The following MASTL variants were observed in gnomAD, a reference collection of about 807,000 sequenced individuals.
The protein encoded by MASTL is microtubule associated serine/threonine kinase like, also known as serine/threonine-protein kinase greatwall.
MASTL carries 54 observed loss-of-function variants against 82.5 expected under a neutral mutation model. That is an observed-to-expected ratio of 0.65 (90% confidence interval 0.53 to 0.82). The LOEUF is 0.82. MASTL is among the 40% of genes least tolerant of loss of function. MASTL has a pLI of 0.00. For synonymous variants in MASTL, 323 were observed against 368.9 expected (o/e 0.88, Z 1.43); for missense variants, 950 against 1,047.8 (o/e 0.91, Z 1.29).
intron 1 of MASTL, among the ~76,000 whole-genome samples, chr10:27,156,232 G>T (rs2057372782): frequency 6.6e-6 from 1 of 151,982 alleles, no homozygotes; most frequent in African/African-American, 2.4e-5. Context: ...CACCGTGTTA[G>T]CCAGGATGGT....
In MASTL at chr10:27,159,440, A is replaced by G. The variant is rs2057498340; in HGVS notation, c.325-179A>G. 6.6e-6 allele frequency among the ~76,000 whole-genome samples: 1 copy of G among 152,184 alleles called. No homozygotes were observed. The highest frequency in any genetic ancestry group is 2.1e-4 in the South Asian group (1 of 4,830). ...GCCCAGCCTAAACAGTTTAATTTTT[A>G]ATTAAAAACTGTTATGGCAACATGA... is the stretch of plus-strand genomic sequence containing the variant. On this transcript the variant is annotated intron_variant, in intron 2 of 11. Transcript: ENST00000375940. The surrounding 1 kb of genome is among the most constrained non-coding windows in gnomAD (Gnocchi z 4.0).
At position 27,170,529 on chromosome 10, in the gene MASTL, C is replaced by A. The variant is rs1322849977; in HGVS notation, c.1570C>A (p.Pro524Thr). ...TDKQQTPEKLPIPMIAKNLMC... is the reference protein window; with the variant it reads ...TDKQQTPEKLTIPMIAKNLMC... The stretch of plus-strand genomic sequence containing the variant: ...TAAACAACAAACACCAGAAAAATTA[C>A]CTATACCAATGATAGCAAAAAACCT... Residue 524 changes from proline to threonine, a missense_variant, in exon 8 of 12, where the codon CCT becomes ACT. Coordinates refer to ENST00000375940, the MANE Select transcript of MASTL (RefSeq NM_001172303.3). 3 of 1,613,890 alleles carry A rather than the reference C, an allele frequency of 1.9e-6. No homozygotes were observed. Among genetic ancestry groups the A allele is most frequent in the East Asian group, 4.5e-5 (2 of 44,848 alleles).
intron 9 of MASTL, among the ~76,000 whole-genome samples, chr10:27,175,270 T>C (rs1281460310): frequency 6.6e-6 from 1 of 151,982 alleles, no homozygotes. Flanking sequence ...GCAACCTCCG[T>C]CTCCCGGGTT....
At chr10:27,178,813 T>A (rs942696081) in intron 9 of MASTL, among the ~76,000 whole-genome samples, 1 of 152,092 alleles carries the variant, frequency 6.6e-6, no homozygotes. Flanking sequence ...TCTAATCCAT[T>A]GGGATAATTC....
Position 27,180,672 on chromosome 10 carries a change from A to T in MASTL, c.2267-281A>T, listed in dbSNP as rs1453336224. On this transcript the variant is annotated intron_variant, in intron 9 of 11. Transcript: ENST00000375940. The stretch of plus-strand genomic sequence containing the variant: ...CACCCAAAGTGCCAGGATTACAGGC[A>T]TAAGCCACCGCGCCCAGCTCTACCT... 3.9e-5 allele frequency among the ~76,000 whole-genome samples: 6 copies of T among 152,092 alleles called. No individual in the cohort carries two copies. In the East Asian group the frequency reaches 1.2e-3, roughly 29 times the overall value.
At chr10:27,156,334 C>T (rs1281280418) in intron 1 of MASTL, among the ~76,000 whole-genome samples, 2 of 151,432 alleles carry the variant, frequency 1.3e-5, no homozygotes, top group Admixed American at 6.6e-5. Flanking sequence ...AGTTAGGTTT[C>T]TAAATCCAAA....
Position 27,186,795 on chromosome 10 carries a change from A to G in MASTL, c.*259A>G. ...ATTTTGTTTATTGCACTTTATGAAA[A>G]CTGAAGCATCAATAAAATTAGAGGA... On this transcript the variant is annotated 3_prime_UTR_variant, in exon 12 of 12. Coordinates refer to ENST00000375940, the MANE Select transcript of MASTL (RefSeq NM_001172303.3). 2.2e-6 allele frequency: 1 copy of G among 453,956 alleles called. No individual in the cohort carries two copies. The highest frequency in any genetic ancestry group is 4.0e-6 in the Non-Finnish European group (1 of 248,986). The allele number at this position is 453,956 out of a possible 1,614,324, so 28.1% of individuals were successfully genotyped here.
intron 8 of MASTL, among the ~76,000 whole-genome samples, chr10:27,172,708 T>C (rs948726980): frequency 2.0e-5 from 3 of 152,180 alleles, no homozygotes; most frequent in Admixed American, 1.3e-4. Flanking sequence ...TTTTAAATGC[T>C]ATTTAGTACA....
At chr10:27,171,956 G>T (rs2057961093) in intron 8 of MASTL, among the ~76,000 whole-genome samples, 3 of 149,238 alleles carry the variant, frequency 2.0e-5, no homozygotes, top group African/African-American at 7.5e-5. Flanking sequence ...AGCCTCCTGA[G>T]TAGCTAGGAC....
At chr10:27,163,787 C>T (rs1269528402) in intron 4 of MASTL, among the ~76,000 whole-genome samples, 2 of 151,988 alleles carry the variant, frequency 1.3e-5, no homozygotes, top group Non-Finnish European at 2.9e-5. Flanking sequence ...CCCACCACCA[C>T]GCCCGGCTAA....
At position 27,186,656 on chromosome 10, in the gene MASTL, C is replaced by T; in HGVS notation, c.*120C>T. 1.1e-6 allele frequency: 1 copy of T among 938,682 alleles called. No individual in the cohort carries two copies. Among genetic ancestry groups the T allele is most frequent in the Non-Finnish European group, 1.7e-6 (1 of 576,374 alleles). The allele number at this position is 938,682 out of a possible 1,614,324, so 58.1% of individuals were successfully genotyped here. On this transcript the variant is annotated 3_prime_UTR_variant, in exon 12 of 12. Transcript: ENST00000375940. ...TCATTATTTAACCTAGTTCAATGTGCTTTTAATGTACGTTACAGCTTTCAC... is the reference window on the plus strand; with the variant it reads ...TCATTATTTAACCTAGTTCAATGTGTTTTTAATGTACGTTACAGCTTTCAC...
At chr10:27,160,768 G>GAAAA (rs1165713191) in intron 3 of MASTL, among the ~76,000 whole-genome samples, 39 of 102,134 alleles carry the variant, frequency 3.8e-4, no homozygotes, top group South Asian at 1.1e-3. Context: ...AAAAAGAAAA[G>GAAAA]AAAAAAAAGA....
chr10:27,181,505 A>G lies in MASTL; in HGVS notation c.2406A>G (p.Glu802=). Residue 802 remains glutamate (E), a synonymous_variant, in exon 11 of 12, where the codon GAA becomes GAG. Transcript: ENST00000375940. ...KRDIPWPEGE[E]KLSDNAQSAV... is the part of the protein sequence containing the mutation. ...ATATCCCTTGGCCAGAAGGTGAAGAAAAGTTATCTGATAATGCTCAAAGTG... is the reference window on the plus strand; with the variant it reads ...ATATCCCTTGGCCAGAAGGTGAAGAGAAGTTATCTGATAATGCTCAAAGTG... 1.2e-6 allele frequency: 2 copies of G among 1,612,710 alleles called. No individual in the cohort carries two copies. Among genetic ancestry groups the G allele is most frequent in the Non-Finnish European group, 1.7e-6 (2 of 1,178,868 alleles).
At chr10:27,180,312 C>T (rs2058230801) in intron 9 of MASTL, among the ~76,000 whole-genome samples, 1 of 152,274 alleles carries the variant, frequency 6.6e-6, no homozygotes, top group African/African-American at 2.4e-5. Flanking sequence ...CAGGGCGGTG[C>T]TTGTCCCGGA....
In MASTL at chr10:27,158,741, A is replaced by G. The variant is rs2057473499; in HGVS notation, c.324+55A>G. On this transcript the variant is annotated intron_variant, in intron 2 of 11. Coordinates refer to ENST00000375940, the MANE Select transcript of MASTL (RefSeq NM_001172303.3). ...TATCCATTAAGCAGTCATTGAACCT[A>G]GTGATTTAAGAGAACCATGTTTTGG... is the stretch of plus-strand genomic sequence containing the variant. The G allele has an allele frequency of 1.9e-6, 3 of 1,585,486 alleles. No individual in the cohort carries two copies. In the South Asian group the frequency reaches 3.3e-5, roughly 18 times the overall value.
intron 1 of MASTL, among the ~76,000 whole-genome samples, chr10:27,156,853 TAG>T (rs765747962): frequency 9.5e-6 from 1 of 105,056 alleles, no homozygotes; most frequent in Non-Finnish European, 1.8e-5. Context: ...TTTTTTGAGA[TAG>T]AGTTTCACAG....
Position 27,171,914 on chromosome 10 carries a change from C to T in MASTL, c.2124+831C>T, listed in dbSNP as rs184639253. Among the ~76,000 whole-genome samples, 250 of 142,022 alleles carry T rather than the reference C, an allele frequency of 1.8e-3. 1 individual carries two copies. Among genetic ancestry groups the T allele is most frequent in the African/African-American group, 6.2e-3 (236 of 38,238 alleles). The allele number at this position is 142,022 out of a possible 152,430, so 93.2% of individuals were successfully genotyped here. ...CGCGATCTTGGCTCACTGCAACCTC[C>T]GCCTCCCGGGTTCAAGCGATTCTCC... On this transcript the variant is annotated intron_variant, in intron 8 of 11. Transcript: ENST00000375940.
chr10:27,173,335 T>C (rs1377474540), intron 9 of MASTL, 76 bp downstream of exon 9: 4 of 1,551,114 alleles, frequency 2.6e-6, no homozygotes, highest in Non-Finnish European at 3.6e-6. Context: ...TTTTAAAAAA[T>C]TTCTTCAGTA....
In MASTL at chr10:27,167,307, T is replaced by C. The variant is rs373342386; in HGVS notation, c.984+33T>C. On this transcript the variant is annotated intron_variant, in intron 7 of 11. Coordinates refer to ENST00000375940, the MANE Select transcript of MASTL (RefSeq NM_001172303.3). Reference sequence around the variant, plus strand: ...GGACATTTATCTTAATGAAAATCAATTATGTATGTCAAATGAATGTGAGAA... The same window carrying C: ...GGACATTTATCTTAATGAAAATCAACTATGTATGTCAAATGAATGTGAGAA... 234 of 1,548,094 alleles carry C rather than the reference T, an allele frequency of 1.5e-4. 1 individual carries two copies. Among genetic ancestry groups the C allele is most frequent in the Middle Eastern group, 5.0e-4 (3 of 5,946 alleles).
Sources: allele counts gnomAD v4.1 joint callset (sites outside exome capture counted in the v4.1 genomes callset), GRCh38; gene constraint gnomAD v4.1.1; non-coding constraint Gnocchi (gnomAD v3.1); transcripts MANE v1.5; gene names NCBI Gene and HGNC (gene_info 2026-07-23, HGNC 2026-07-21).